TMED3: variants seen among roughly 807,000 people sequenced by gnomAD.
TMED3 encodes the protein transmembrane p24 trafficking protein 3, also known as transmembrane emp24 domain-containing protein 3.
Under a neutral mutation model 15.0 loss-of-function variants are expected in TMED3, and 9 were observed. The observed-to-expected ratio is 0.60, with a 90% CI of 0.36 to 1.04. The LOEUF (loss-of-function observed/expected upper bound fraction) is 1.04. Among genes scored for constraint, TMED3 ranks in the 50% least tolerant of loss-of-function variants. The pLI is 0.01. For synonymous variants in TMED3, 117 were observed against 121.4 expected (o/e 0.96, Z 0.24); for missense variants, 267 against 278.9 (o/e 0.96, Z 0.30).
chr15:79,387,735 T>C (rs1236470726), intron 2 of TMED3, among the ~76,000 whole-genome samples: 1 of 152,194 alleles, frequency 6.6e-6, no homozygotes, highest in East Asian at 1.9e-4. Flanking sequence ...AATCCATTCC[T>C]TTCCATTTAC....
At chr15:79,372,492 T>G (rs1176461133) in intron 2 of TMED3, among the ~76,000 whole-genome samples, 7 of 152,190 alleles carry the variant, frequency 4.6e-5, no homozygotes. Flanking sequence ...GAGGTTTAAT[T>G]GACTCACAGT....
At chr15:79,366,227 G>A (rs751895028) in intron 2 of TMED3, among the ~76,000 whole-genome samples, 1 of 152,160 alleles carries the variant, frequency 6.6e-6, no homozygotes, top group Non-Finnish European at 1.5e-5. Flanking sequence ...TATCAGTACT[G>A]TACACAGCAC....
At chr15:79,408,139 C>T (rs547796124) in intron 2 of TMED3, among the ~76,000 whole-genome samples, 1 of 152,330 alleles carries the variant, frequency 6.6e-6, no homozygotes, top group African/African-American at 2.4e-5. Flanking sequence ...TTCCAACCCA[C>T]AGCAAGGAAA....
intron 2 of TMED3, among the ~76,000 whole-genome samples, chr15:79,337,804 C>T (rs905967163): frequency 4.6e-5 from 7 of 152,158 alleles, no homozygotes; most frequent in African/African-American, 1.4e-4. Context: ...TCAGTTTCCT[C>T]GTTTGTAACA....
intron 2 of TMED3, among the ~76,000 whole-genome samples, chr15:79,320,893 C>T (rs1417506583): frequency 1.3e-5 from 2 of 152,162 alleles, no homozygotes; most frequent in Admixed American, 1.3e-4. Context: ...TACCTGGAAG[C>T]TCTGGGGAAG....
intron 2 of TMED3, among the ~76,000 whole-genome samples, chr15:79,354,836 C>T (rs2058912189): frequency 6.6e-6 from 1 of 152,142 alleles, no homozygotes; most frequent in Non-Finnish European, 1.5e-5. Context: ...CCTTCAAGCT[C>T]TGCCCCCCCA....
intron 2 of TMED3, among the ~76,000 whole-genome samples, chr15:79,329,203 A>G (rs756293809): frequency 1.3e-5 from 2 of 152,232 alleles, no homozygotes; most frequent in Non-Finnish European, 2.9e-5. Flanking sequence ...TAAACTCTCT[A>G]AAGAGACAAC....
chr15:79,362,844 C>T (rs1225633996), intron 2 of TMED3, among the ~76,000 whole-genome samples: 1 of 152,180 alleles, frequency 6.6e-6, no homozygotes, highest in Non-Finnish European at 1.5e-5. Flanking sequence ...CATTAAATCT[C>T]TTTTCTTTTT....
At chr15:79,319,324 A>T (rs752831620) in intron 2 of TMED3, among the ~76,000 whole-genome samples, 5 of 152,236 alleles carry the variant, frequency 3.3e-5, no homozygotes, top group African/African-American at 4.8e-5. Context: ...CTGCCCTGTA[A>T]TGCAGAGGCA....
At chr15:79,326,292 T>C (rs962081454), downstream of TMED3, among the ~76,000 whole-genome samples, 2 of 152,206 alleles carry the variant, frequency 1.3e-5, no homozygotes, top group Admixed American at 6.5e-5. Context: ...AAGAGGAAAC[T>C]TAGAATCAAA....
At chr15:79,387,769 C>T (rs1438981601) in intron 2 of TMED3, among the ~76,000 whole-genome samples, 6 of 152,108 alleles carry the variant, frequency 3.9e-5, no homozygotes, top group Admixed American at 3.9e-4. Flanking sequence ...CAGTTTCTCT[C>T]AATAAAGTTT....
intron 2 of TMED3, among the ~76,000 whole-genome samples, chr15:79,376,380 A>G (rs1893428398): frequency 6.6e-6 from 1 of 152,228 alleles, no homozygotes; most frequent in South Asian, 2.1e-4. Context: ...TGCATATTGT[A>G]TTTTAGGAGA....
chr15:79,334,418 T>G (rs2058820075), intron 2 of TMED3, among the ~76,000 whole-genome samples: 1 of 152,174 alleles, frequency 6.6e-6, no homozygotes, highest in South Asian at 2.1e-4. Context: ...GGGTGACCCC[T>G]TCTCTTTTCC....
At chr15:79,365,557 G>T (rs1893215625) in intron 2 of TMED3, among the ~76,000 whole-genome samples, 1 of 152,216 alleles carries the variant, frequency 6.6e-6, no homozygotes, top group South Asian at 2.1e-4. Context: ...GAAAGAAGGA[G>T]GGTATGGTCA....
intron 2 of TMED3, among the ~76,000 whole-genome samples, chr15:79,344,830 GCC>G (rs1201517861): frequency 1.3e-5 from 2 of 152,168 alleles, no homozygotes; most frequent in Non-Finnish European, 2.9e-5. Flanking sequence ...ACTGTAGTGA[GCC>G]CAGTGAGATG....
At chr15:79,379,600 T>G (rs1414370495) in intron 2 of TMED3, among the ~76,000 whole-genome samples, 1 of 152,198 alleles carries the variant, frequency 6.6e-6, no homozygotes, top group African/African-American at 2.4e-5. Context: ...AATTTGTTCT[T>G]TAAGAAGCTA....
At chr15:79,407,991 GA>G (rs1259404338) in intron 2 of TMED3, among the ~76,000 whole-genome samples, 1 of 152,166 alleles carries the variant, frequency 6.6e-6, no homozygotes, top group Admixed American at 6.5e-5. Flanking sequence ...AAGTCATTCA[GA>G]GTACTAGTTC....
chr15:79,373,976 G>A (rs1391940948), intron 2 of TMED3, among the ~76,000 whole-genome samples: 1 of 152,148 alleles, frequency 6.6e-6, no homozygotes, highest in African/African-American at 2.4e-5. Context: ...TTCTTGTTAT[G>A]TAGATGAAGC....
chr15:79,397,626 A>G (rs563544688), intron 2 of TMED3, among the ~76,000 whole-genome samples: 4 of 152,312 alleles, frequency 2.6e-5, no homozygotes, highest in South Asian at 2.1e-4. Flanking sequence ...ATTTTTCCCT[A>G]TTTAGTTAAT....
Sources: gnomAD v4.1 joint callset for allele counts (sites outside exome capture counted in the v4.1 genomes callset) on GRCh38, gnomAD v4.1.1 for gene constraint, MANE v1.5 for transcripts, NCBI Gene and HGNC (gene_info 2026-07-23, HGNC 2026-07-21) for gene names.